PAPOLG: variants seen among roughly 807,000 people sequenced by gnomAD.
PAPOLG encodes poly(A) polymerase gamma.
PAPOLG carries 40 observed loss-of-function variants against 99.0 expected under a neutral mutation model. That is an observed-to-expected ratio of 0.40 (90% CI 0.31 to 0.53). PAPOLG has a LOEUF of 0.53. Ranked by LOEUF, PAPOLG falls within the 20% of genes least tolerant of loss-of-function variation. PAPOLG has a pLI of 0.41. For synonymous variants in PAPOLG, 310 were observed against 299.3 expected (o/e 1.04, Z -0.37); for missense variants, 675 against 884.1 (o/e 0.76, Z 3.00).
chr2:60,792,210 T>G lies in PAPOLG; in HGVS notation c.1600T>G (p.Ser534Ala), dbSNP rs1558718089. ...LSLDSSCLDS[S>A]RDTDNGTPFN... ...TCTGGATAGCAGTTGTCTGGATAGC[T>G]CCAGAGACACTGATAATGGAACACC... Residue 534 changes from serine to alanine, a missense_variant, in exon 17 of 22, where the codon TCC becomes GCC. By Grantham distance (99) the Ser-to-Ala change is moderately conservative (BLOSUM62 1). Transcript: ENST00000238714. 6.2e-7 allele frequency: 1 copy of G among 1,609,820 alleles called. No homozygotes were observed. The highest frequency in any genetic ancestry group is 1.7e-5 in the Admixed American group (1 of 58,462).
rs554291605 is a variant in PAPOLG at position 60,798,582 on chromosome 2, T to C, written c.*1422T>C. On this transcript the variant is annotated 3_prime_UTR_variant, in exon 22 of 22. Coordinates refer to ENST00000238714, the MANE Select transcript of PAPOLG (RefSeq NM_022894.4). ...GAATGCTAGTATCTACCACCTTCTT[T>C]AGATTTCACTCAGCATTTAGTAGGT... is the stretch of plus-strand genomic sequence containing the variant. 62 of 152,520 alleles carry C rather than the reference T, an allele frequency of 4.1e-4. No individual in the cohort carries two copies. Among genetic ancestry groups the C allele is most frequent in the African/African-American group, 1.4e-3 (58 of 41,586 alleles). The allele number at this position is 152,520 out of a possible 1,614,324, so 9.4% of individuals were successfully genotyped here.
chr2:60,785,534 A>AT (rs879362994), intron 13 of PAPOLG, among the ~76,000 whole-genome samples: 94 of 146,262 alleles, frequency 6.4e-4, no homozygotes, highest in African/African-American at 1.7e-3. Context: ...CTTAGGATTT[A>AT]TTTTTTTTTT....
chr2:60,788,826 T>C (rs1002994911), intron 15 of PAPOLG, among the ~76,000 whole-genome samples: 2 of 151,838 alleles, frequency 1.3e-5, no homozygotes, highest in Non-Finnish European at 1.5e-5. Flanking sequence ...TGAAACCCCA[T>C]CTCTACAAAA....
In PAPOLG at chr2:60,798,540, A is replaced by G. The variant is rs1053108340; in HGVS notation, c.*1380A>G. 1 of 152,620 alleles carries G rather than the reference A, an allele frequency of 6.6e-6. No homozygotes were observed. 9.5% of individuals were successfully genotyped at this position (152,620 alleles called of 1,614,324 possible). ...ATTACTATATTTAAAATGAAAATGT[A>G]TAGATTACACAGCCAGGAATGCTAG... On this transcript the variant is annotated 3_prime_UTR_variant, in exon 22 of 22. Transcript: ENST00000238714.
chr2:60,774,678 A>G (rs1425730850), intron 7 of PAPOLG, among the ~76,000 whole-genome samples: 1 of 152,174 alleles, frequency 6.6e-6, no homozygotes, highest in Non-Finnish European at 1.5e-5. Flanking sequence ...TGACCGAATC[A>G]TTATTGCACT....
chr2:60,776,024 A>G (rs530002328), intron 8 of PAPOLG, among the ~76,000 whole-genome samples: 1 of 152,190 alleles, frequency 6.6e-6, no homozygotes, highest in Non-Finnish European at 1.5e-5. Flanking sequence ...CGGCCTCCCA[A>G]AGTGCTGGGA....
At chr2:60,761,838 T>A in intron 3 of PAPOLG, 31 bp downstream of exon 3, 1 of 1,459,740 alleles carries the variant, frequency 6.9e-7, no homozygotes, top group East Asian at 2.3e-5. Context: ...GAATTCTTGT[T>A]TTTATTATAT....
At chr2:60,770,844 C>CA (rs1670831959) in intron 6 of PAPOLG, among the ~76,000 whole-genome samples, 1 of 152,104 alleles carries the variant, frequency 6.6e-6, no homozygotes, top group African/African-American at 2.4e-5. Flanking sequence ...AGGATGGTCT[C>CA]AATCTCCTGA....
rs747421759 is a variant in PAPOLG at position 60,799,769 on chromosome 2, C to A, written c.*2609C>A. 1 of 152,124 alleles carries A rather than the reference C, an allele frequency of 6.6e-6. No homozygotes were observed. The highest frequency in any genetic ancestry group is 1.9e-4 in the East Asian group (1 of 5,190). The allele number at this position is 152,124 out of a possible 1,614,324, so 9.4% of individuals were successfully genotyped here. On this transcript the variant is annotated 3_prime_UTR_variant, in exon 22 of 22. Coordinates refer to ENST00000238714, the MANE Select transcript of PAPOLG (RefSeq NM_022894.4). ...CCTCCCAAGTAGCTGGGATTACAGG[C>A]ACCCACCACCTCGCCCAGCTAATTT...
intron 20 of PAPOLG, 70 bp downstream of exon 20, chr2:60,794,845 TAGAA>T (rs1196456574): frequency 2.0e-5 from 31 of 1,542,738 alleles, no homozygotes; most frequent in Admixed American, 8.6e-5. Context: ...AGTGCCATAT[TAGAA>T]AGTAGGTCAG....
chr2:60,766,933 G>A (rs1670694383), intron 3 of PAPOLG, among the ~76,000 whole-genome samples: 1 of 152,142 alleles, frequency 6.6e-6, no homozygotes, highest in Non-Finnish European at 1.5e-5. Flanking sequence ...GAAGACATTG[G>A]CAACTTTTGA....
intron 13 of PAPOLG, among the ~76,000 whole-genome samples, chr2:60,783,793 T>A (rs1385322983): frequency 6.6e-6 from 1 of 152,046 alleles, no homozygotes; most frequent in Non-Finnish European, 1.5e-5. Context: ...TTGTTGTGCA[T>A]GACCATGGAG....
intron 8 of PAPOLG, among the ~76,000 whole-genome samples, chr2:60,778,949 A>AT (rs1671108018): frequency 6.6e-6 from 1 of 152,124 alleles, no homozygotes; most frequent in Non-Finnish European, 1.5e-5. Context: ...CATGACAACC[A>AT]TGGTGGTGCA....
chr2:60,784,658 T>C (rs1274019629), intron 13 of PAPOLG, among the ~76,000 whole-genome samples: 2 of 152,214 alleles, frequency 1.3e-5, no homozygotes, highest in Admixed American at 6.5e-5. Flanking sequence ...AGTATTTTGT[T>C]TGTCTAGATC....
intron 1 of PAPOLG, among the ~76,000 whole-genome samples, chr2:60,757,804 G>A (rs1670393444): frequency 6.6e-6 from 1 of 152,160 alleles, no homozygotes; most frequent in East Asian, 1.9e-4. Flanking sequence ...GAAATTGATG[G>A]TTTGAAGGGA....
chr2:60,772,641 G>A (rs200996923), intron 7 of PAPOLG, among the ~76,000 whole-genome samples: 3 of 151,808 alleles, frequency 2.0e-5, no homozygotes, highest in Admixed American at 6.6e-5. Flanking sequence ...CCAGCTACTC[G>A]GGAGGCTGAG....
intron 5 of PAPOLG, 129 bp from the exon 6 acceptor site, chr2:60,770,329 G>A (rs1670811975): frequency 1.5e-6 from 1 of 658,828 alleles, no homozygotes; most frequent in South Asian, 3.3e-5. Context: ...AGTTAGAAAG[G>A]ATAAAGAAGG....
chr2:60,766,372 G>C (rs546611355), intron 3 of PAPOLG, among the ~76,000 whole-genome samples: 1 of 152,098 alleles, frequency 6.6e-6, no homozygotes, highest in Non-Finnish European at 1.5e-5. Context: ...GGATGATACC[G>C]ATAGCCAGAA....
Position 60,779,695 on chromosome 2 carries a change from A to T in PAPOLG, c.753A>T (p.Leu251=). ...GFLGGVSWAM[L]VARTCQLYPN... ...TTGGTGGTGTCTCCTGGGCAATGCT[A>T]GTTGCAAGAACTTGCCAATTGTATC... Residue 251 remains leucine, a synonymous_variant, in exon 9 of 22, where the codon CTA becomes CTT. Transcript: ENST00000238714. 2.5e-6 allele frequency: 4 copies of T among 1,613,916 alleles called. No homozygotes were observed. The highest frequency in any genetic ancestry group is 3.4e-6 in the Non-Finnish European group (4 of 1,179,794).
Sources: allele counts gnomAD v4.1 joint callset (sites outside exome capture counted in the v4.1 genomes callset), GRCh38; gene constraint gnomAD v4.1.1; transcripts MANE v1.5; gene names NCBI Gene and HGNC (gene_info 2026-07-23, HGNC 2026-07-21).